RAB38: variants seen among roughly 807,000 people sequenced by gnomAD.
RAB38 encodes ras-related protein Rab-38.
Under a neutral mutation model 18.4 loss-of-function variants are expected in RAB38, and 15 were observed. The observed-to-expected ratio is 0.82, with a 90% CI of 0.55 to 1.26. The LOEUF (loss-of-function observed/expected upper bound fraction) is 1.26, where lower values mean the gene tolerates loss of function less well. RAB38 is among the 50% of genes most tolerant of loss of function. The pLI is 0.00. For missense variants in RAB38, 294 were observed against 267.4 expected, an observed-to-expected ratio of 1.10 and a Z score of -0.69; for synonymous variants, 101 against 104.4, an observed-to-expected ratio of 0.97 and a Z score of 0.20.
At chr11:88,012,654 C>A in the RAB38 span, among the ~76,000 whole-genome samples, 1 of 152,032 alleles carries the variant, frequency 6.6e-6, no homozygotes, top group African/African-American at 2.4e-5. Flanking sequence ...ACATGCTCAG[C>A]AAATTACAAC....
At chr11:88,074,328 GC>G in the RAB38 span, among the ~76,000 whole-genome samples, 2 of 152,090 alleles carry the variant, frequency 1.3e-5, no homozygotes, top group Non-Finnish European at 2.9e-5. Flanking sequence ...AACAACAATA[GC>G]TACAGCAGCT....
chr11:88,031,406 G>T, the RAB38 span, among the ~76,000 whole-genome samples: 1 of 150,658 alleles, frequency 6.6e-6, no homozygotes, highest in Non-Finnish European at 1.5e-5. Flanking sequence ...AGGAAATAAA[G>T]GGTATTCAAT....
the RAB38 span, among the ~76,000 whole-genome samples, chr11:88,071,861 G>C: frequency 4.6e-5 from 7 of 152,300 alleles, no homozygotes; most frequent in African/African-American, 1.4e-4. Flanking sequence ...TGGAGGATTT[G>C]AAAGCTCTGG....
the RAB38 span, among the ~76,000 whole-genome samples, chr11:88,022,895 G>T: frequency 6.6e-6 from 1 of 152,022 alleles, no homozygotes; most frequent in Non-Finnish European, 1.5e-5. Flanking sequence ...TATATTTTGG[G>T]GGGAACAGAA....
the RAB38 span, among the ~76,000 whole-genome samples, chr11:88,005,231 C>T: frequency 6.6e-6 from 1 of 151,310 alleles, no homozygotes; most frequent in African/African-American, 2.4e-5. Flanking sequence ...TACCAGATTA[C>T]GTAGATTACT....
the RAB38 span, among the ~76,000 whole-genome samples, chr11:88,029,201 GC>G: frequency 6.6e-6 from 1 of 151,502 alleles, no homozygotes; most frequent in African/African-American, 2.4e-5. Flanking sequence ...TCACCACCAG[GC>G]CTGCCCTAAA....
At chr11:88,124,526 C>T (rs1040315798) in intron 2 of RAB38, among the ~76,000 whole-genome samples, 1 of 151,062 alleles carries the variant, frequency 6.6e-6, no homozygotes, top group Non-Finnish European at 1.5e-5. Context: ...TGAAAAAATG[C>T]TCATCATCAC....
the RAB38 span, among the ~76,000 whole-genome samples, chr11:88,006,646 GAC>G: frequency 7.3e-6 from 1 of 136,166 alleles, no homozygotes; most frequent in East Asian, 2.1e-4. Context: ...TACACATATA[GAC>G]ACACAGTGGA....
At chr11:87,913,888 G>A in the RAB38 span, among the ~76,000 whole-genome samples, 135 of 152,128 alleles carry the variant, frequency 8.9e-4, 1 homozygote, top group South Asian at 6.9e-3. Context: ...AGAGAGTTCC[G>A]CCGGCAAGAG....
the RAB38 span, among the ~76,000 whole-genome samples, chr11:87,833,676 C>G: frequency 2.0e-5 from 3 of 152,144 alleles, no homozygotes; most frequent in African/African-American, 7.2e-5. Flanking sequence ...AACTGAAGTA[C>G]AGAGTTGTTA....
chr11:87,835,258 C>G, the RAB38 span, among the ~76,000 whole-genome samples: 1 of 152,098 alleles, frequency 6.6e-6, no homozygotes, highest in African/African-American at 2.4e-5. Context: ...TGGATGAGTA[C>G]ACCTCTGCCA....
the RAB38 span, among the ~76,000 whole-genome samples, chr11:88,103,241 G>A: frequency 1.5e-4 from 23 of 151,968 alleles, no homozygotes; most frequent in South Asian, 4.2e-3. Flanking sequence ...TGAGACATAT[G>A]ATAACTTAAA....
At chr11:88,095,003 G>A in the RAB38 span, among the ~76,000 whole-genome samples, 1 of 151,304 alleles carries the variant, frequency 6.6e-6, no homozygotes, top group Non-Finnish European at 1.5e-5. Context: ...TTCGCCTATG[G>A]CCAATTCTTC....
the RAB38 span, among the ~76,000 whole-genome samples, chr11:87,850,002 C>A: frequency 6.6e-6 from 1 of 151,788 alleles, no homozygotes; most frequent in South Asian, 2.1e-4. Flanking sequence ...TTCTGTTAGC[C>A]TAATAATAAT....
the RAB38 span, among the ~76,000 whole-genome samples, chr11:87,858,673 A>G: frequency 6.6e-6 from 1 of 152,118 alleles, no homozygotes; most frequent in African/African-American, 2.4e-5. Context: ...AATTTTGGGA[A>G]GACGCATAGA....
At chr11:88,053,105 CACAT>C in the RAB38 span, among the ~76,000 whole-genome samples, 1 of 127,110 alleles carries the variant, frequency 7.9e-6, no homozygotes, top group African/African-American at 3.0e-5. Flanking sequence ...TATATATATA[CACAT>C]ATATATGGAA....
the RAB38 span, among the ~76,000 whole-genome samples, chr11:87,935,539 T>C: frequency 1.3e-5 from 2 of 152,064 alleles, no homozygotes; most frequent in Non-Finnish European, 2.9e-5. Flanking sequence ...ATTATTTTTA[T>C]TATTATTTTA....
the RAB38 span, among the ~76,000 whole-genome samples, chr11:87,818,120 G>A: frequency 6.6e-6 from 1 of 152,142 alleles, no homozygotes; most frequent in Non-Finnish European, 1.5e-5. Context: ...ATAGCCGGGA[G>A]CTCCATTTCC....
At chr11:87,969,122 G>C in the RAB38 span, among the ~76,000 whole-genome samples, 1 of 151,948 alleles carries the variant, frequency 6.6e-6, no homozygotes, top group South Asian at 2.1e-4. Flanking sequence ...ATGAGTCTTG[G>C]GGGACAAGGA....
Sources: gnomAD v4.1 joint callset for allele counts (sites outside exome capture counted in the v4.1 genomes callset) on GRCh38, gnomAD v4.1.1 for gene constraint, MANE v1.5 for transcripts, NCBI Gene and HGNC (gene_info 2026-07-23, HGNC 2026-07-21) for gene names.